The following SAAL1 variants were observed in gnomAD, a reference collection of about 807,000 sequenced individuals.
SAAL1 encodes protein SAAL1.
Under a neutral mutation model 59.8 loss-of-function variants are expected in SAAL1, and 42 were observed. The observed-to-expected ratio is 0.70, with a 90% CI of 0.55 to 0.91. The LOEUF is 0.91. SAAL1 is among the 40% of genes least tolerant of loss of function. The probability of loss-of-function intolerance (pLI) is 0.00; values close to 1 mark genes in which losing one functional copy is unlikely to be tolerated. For synonymous variants in SAAL1, 191 were observed against 194.3 expected (o/e 0.98, Z 0.14); for missense variants, 542 against 561.1 (o/e 0.97, Z 0.34).
chr11:18,096,434 T>C (rs1054750673), intron 3 of SAAL1, among the ~76,000 whole-genome samples: 1 of 151,766 alleles, frequency 6.6e-6, no homozygotes, highest in Non-Finnish European at 1.5e-5. Context: ...AAAATAAAAA[T>C]TAGCTGGGTG....
chr11:18,103,163 CCG>C lies in SAAL1; in HGVS notation c.249+68_249+69del. The C allele has an allele frequency of 3.9e-6, 4 of 1,035,850 alleles. No homozygotes were observed. In the Admixed American group the frequency reaches 6.8e-5, roughly 18 times the overall value. The allele number at this position is 1,035,850 out of a possible 1,614,324, so 64.2% of individuals were successfully genotyped here. ...CCTTTCCCCAGAGTGAAGGACTGAA[CCG>C]TTTTTAAAACATTCATTCACCATCT... On this transcript the variant is annotated intron_variant, in intron 2 of 11. Transcript: ENST00000524803.
intron 1 of SAAL1, among the ~76,000 whole-genome samples, 192 bp from the exon 2 acceptor site, chr11:18,103,538 A>C (rs541785628): frequency 1.9e-4 from 29 of 152,320 alleles, no homozygotes; most frequent in Non-Finnish European, 3.7e-4. Context: ...TGTTCCAGGT[A>C]CTTTAGTTTC....
intron 10 of SAAL1, among the ~76,000 whole-genome samples, chr11:18,082,413 T>A (rs1233764163): frequency 6.6e-6 from 1 of 152,158 alleles, no homozygotes; most frequent in African/African-American, 2.4e-5. Flanking sequence ...TACCCAATAA[T>A]AAGCGTCAAG....
intron 6 of SAAL1, among the ~76,000 whole-genome samples, chr11:18,089,788 C>A (rs1480045318): frequency 1.3e-5 from 2 of 152,188 alleles, no homozygotes; most frequent in Non-Finnish European, 2.9e-5. Context: ...GTGGCTTACA[C>A]CTATACTCCC....
chr11:18,082,882 T>C (rs1848424956), intron 10 of SAAL1, among the ~76,000 whole-genome samples: 1 of 152,196 alleles, frequency 6.6e-6, no homozygotes, highest in South Asian at 2.1e-4. Context: ...TCCACCTGCC[T>C]CAGCCTCCCA....
chr11:18,096,693 G>T, intron 3 of SAAL1, 78 bp downstream of exon 3: 1 of 793,722 alleles, frequency 1.3e-6, no homozygotes, highest in Non-Finnish European at 2.2e-6. Flanking sequence ...AAATCAAAGT[G>T]AGAAAAATAA....
intron 3 of SAAL1, chr11:18,094,052 A>T (rs1335278551): frequency 6.6e-6 from 1 of 152,204 alleles, no homozygotes; most frequent in Non-Finnish European, 1.5e-5. Context: ...TCACTCAGGG[A>T]GCTTGTTAAA....
At chr11:18,089,287 A>T in intron 7 of SAAL1, 43 bp downstream of exon 7, 1 of 1,481,530 alleles carries the variant, frequency 6.7e-7, no homozygotes, top group South Asian at 1.4e-5. Flanking sequence ...ACTTCTAGCA[A>T]TTGCATTTTC....
rs749537785 is a variant in SAAL1, at chr11:18,081,430, A to G, written c.1313T>C (p.Leu438Pro). The change falls in exon 11 of 12, where the codon CTT (leucine) becomes CCT (proline). Residue 438 changes from leucine (L) to proline (P), a missense_variant. Transcript: ENST00000524803. Reference sequence around the variant, plus strand: ...ACTCACCACAGGGCTATAGAAAGGAAGAAGGTTTTGAAATGCAGAGGAACA... The same window carrying G: ...ACTCACCACAGGGCTATAGAAAGGAGGAAGGTTTTGAAATGCAGAGGAACA... ...QKCSSAFQNL[L>P]PFYSPVVEDF... 1.2e-6 allele frequency: 2 copies of G among 1,613,974 alleles called. No individual in the cohort carries two copies. The highest frequency in any genetic ancestry group is 2.2e-5 in the East Asian group (1 of 44,884).
intron 2 of SAAL1, among the ~76,000 whole-genome samples, chr11:18,101,927 A>G (rs911690839): frequency 5.3e-5 from 8 of 152,214 alleles, no homozygotes; most frequent in African/African-American, 1.7e-4. Context: ...ACATTCATAT[A>G]AAACTCTAGA....
In SAAL1 at chr11:18,099,882, G is replaced by A. The variant is rs568588104; in HGVS notation, c.250-3028C>T. ...AATTCATGGTTACAGAACGATAGGCGACAAGACTGAGATATAAACTCACCA... is the reference window on the plus strand; with the variant it reads ...AATTCATGGTTACAGAACGATAGGCAACAAGACTGAGATATAAACTCACCA... On this transcript the variant is annotated intron_variant, in intron 2 of 11. Coordinates refer to ENST00000524803, the MANE Select transcript of SAAL1 (RefSeq NM_138421.3). Among the ~76,000 whole-genome samples, 17 of 152,292 alleles carry A rather than the reference G, an allele frequency of 1.1e-4. No individual in the cohort carries two copies. In the South Asian group the frequency reaches 2.5e-3, roughly 22 times the overall value.
chr11:18,105,272 G>A (rs1270221470), intron 1 of SAAL1, among the ~76,000 whole-genome samples: 2 of 151,168 alleles, frequency 1.3e-5, no homozygotes, highest in Non-Finnish European at 2.9e-5. Flanking sequence ...AGGCTCAAGC[G>A]ATCCTCCAGC....
intron 9 of SAAL1, among the ~76,000 whole-genome samples, chr11:18,085,945 A>C (rs1460514940): frequency 3.3e-5 from 5 of 152,176 alleles, no homozygotes; most frequent in African/African-American, 1.2e-4. Context: ...ATGAATCATG[A>C]ATTTAATTGT....
intron 2 of SAAL1, among the ~76,000 whole-genome samples, chr11:18,100,940 C>A (rs763711828): frequency 1.3e-5 from 2 of 151,992 alleles, no homozygotes; most frequent in Non-Finnish European, 2.9e-5. Flanking sequence ...GAAAACAACA[C>A]AATTAAAAAG....
intron 2 of SAAL1, among the ~76,000 whole-genome samples, chr11:18,101,073 T>C (rs1477873200): frequency 6.6e-6 from 1 of 152,196 alleles, no homozygotes; most frequent in African/African-American, 2.4e-5. Context: ...TGAGCTATCA[T>C]TACATACTTA....
chr11:18,092,163 T>C (rs1848529518), intron 4 of SAAL1, 82 bp downstream of exon 4: 4 of 705,128 alleles, frequency 5.7e-6, no homozygotes, highest in Non-Finnish European at 9.6e-6. Context: ...TCTTTCAGAT[T>C]TGCTACTTTT....
intron 3 of SAAL1, among the ~76,000 whole-genome samples, chr11:18,095,915 C>A (rs567181555): frequency 6.6e-6 from 1 of 152,220 alleles, no homozygotes; most frequent in East Asian, 1.9e-4. Flanking sequence ...AGAAGGCACA[C>A]AAAGGGAGGC....
chr11:18,080,612 C>T (rs1848399401), intron 11 of SAAL1, 121 bp from the exon 12 acceptor site: 2 of 597,910 alleles, frequency 3.3e-6, no homozygotes, highest in East Asian at 6.0e-5. Context: ...GGCAGATCTC[C>T]AGATGATAGT....
Position 18,089,468 on chromosome 11 carries a change from A to G in SAAL1, c.632T>C (p.Phe211Ser). ...TAACATTAGTTTCTCATCCAAATCA[A>G]AGAGCTTGTCCACAACCTCCCCCAC... is the stretch of plus-strand genomic sequence containing the variant. ...VKVGEVVDKL[F>S]DLDEKLMLEW... Residue 211 changes from phenylalanine to serine, a missense_variant, in exon 7 of 12, where the codon TTT (phenylalanine) becomes TCT (serine). By Grantham distance (155) the Phe-to-Ser change is radical. Transcript: ENST00000524803. 1 of 1,612,570 alleles carries G rather than the reference A, an allele frequency of 6.2e-7. No homozygotes were observed. Among genetic ancestry groups the G allele is most frequent in the Non-Finnish European group, 8.5e-7 (1 of 1,179,444 alleles).
Sources: gnomAD v4.1 joint callset for allele counts (sites outside exome capture counted in the v4.1 genomes callset) on GRCh38, gnomAD v4.1.1 for gene constraint, MANE v1.5 for transcripts, NCBI Gene and HGNC (gene_info 2026-07-23, HGNC 2026-07-21) for gene names.